The following RPTOR variants were observed in gnomAD, a reference collection of about 807,000 sequenced individuals.
RPTOR encodes the protein regulatory-associated protein of mTOR.
In RPTOR, 21 loss-of-function variants were observed where a neutral mutation model predicts 169.9. The observed-to-expected ratio is 0.12, with a 90% CI of 0.09 to 0.18. The LOEUF is 0.18. RPTOR is among the 10% of genes least tolerant of loss of function. The probability of loss-of-function intolerance (pLI) is 1.00; values close to 1 mark genes in which losing one functional copy is unlikely to be tolerated. For missense variants in RPTOR, 1,133 were observed against 1,855.9 expected (o/e 0.61, Z 7.16); for synonymous variants, 732 against 753.2 (o/e 0.97, Z 0.46).
chr17:80,922,374 G>A (rs1408594279), intron 21 of RPTOR, among the ~76,000 whole-genome samples: 2 of 152,148 alleles, frequency 1.3e-5, no homozygotes, highest in Admixed American at 6.5e-5. Context: ...GCCAGGAGCC[G>A]CCCCTCTGGC....
chr17:80,861,032 G>A lies in RPTOR; in HGVS notation c.1509+3132G>A, dbSNP rs146657081. Among the ~76,000 whole-genome samples the A allele has an allele frequency of 1.7e-3, 250 of 144,608 alleles. 10 individuals carry two copies. The highest frequency in any genetic ancestry group is 5.8e-3 in the African/African-American group (239 of 41,028). 94.9% of individuals were successfully genotyped at this position (144,608 alleles called of 152,430 possible). ...TGACCAGAGAACGCTCCATAATGGT[G>A]ACCTGAATACCATATATTTCAGCAA... On this transcript the variant is annotated intron_variant, in intron 13 of 33. Coordinates refer to ENST00000306801, the MANE Select transcript of RPTOR (RefSeq NM_020761.3). The surrounding 1 kb of genome is among the most constrained non-coding windows in gnomAD (Gnocchi z 4.5).
chr17:80,774,114 C>G, intron 6 of RPTOR: 2 of 985,394 alleles, frequency 2.0e-6, no homozygotes, highest in Non-Finnish European at 2.4e-6. Context: ...TTAAAAGGCT[C>G]CTCTCCTGTT....
intron 6 of RPTOR, among the ~76,000 whole-genome samples, chr17:80,766,292 A>C (rs1025167823): frequency 6.6e-6 from 1 of 152,154 alleles, no homozygotes; most frequent in Non-Finnish European, 1.5e-5. Context: ...AGCTCAAGAG[A>C]TCCTCCCACC....
chr17:80,921,334 A>G (rs1323601293), intron 21 of RPTOR, among the ~76,000 whole-genome samples: 1 of 152,166 alleles, frequency 6.6e-6, no homozygotes, highest in Non-Finnish European at 1.5e-5. Flanking sequence ...CATCCTCCTG[A>G]CACAGATGAG....
chr17:80,940,461 C>T (rs1370309181), intron 24 of RPTOR, 35 bp from the exon 25 acceptor site: 17 of 1,577,228 alleles, frequency 1.1e-5, no homozygotes, highest in African/African-American at 1.3e-5. Context: ...CCTGTTTCAT[C>T]GCTGGGCTTA....
intron 25 of RPTOR, among the ~76,000 whole-genome samples, chr17:80,945,035 C>T (rs1458072077): frequency 2.6e-5 from 4 of 151,560 alleles, no homozygotes; most frequent in Non-Finnish European, 5.9e-5. Context: ...GGCGTATGCC[C>T]ATAATCCCAA....
intron 11 of RPTOR, among the ~76,000 whole-genome samples, chr17:80,850,031 A>G (rs769214846): frequency 3.9e-5 from 6 of 152,214 alleles, no homozygotes; most frequent in Non-Finnish European, 7.3e-5. Flanking sequence ...AAAAGGTGAC[A>G]GTGATATTTA....
intron 6 of RPTOR, among the ~76,000 whole-genome samples, chr17:80,765,327 C>T (rs2066775459): frequency 6.6e-6 from 1 of 152,208 alleles, no homozygotes; most frequent in Non-Finnish European, 1.5e-5. Context: ...TGACAGCAGG[C>T]TTTGGGAGGT....
intron 3 of RPTOR, among the ~76,000 whole-genome samples, chr17:80,677,381 A>G (rs2065868342): frequency 6.6e-6 from 1 of 152,230 alleles, no homozygotes; most frequent in Non-Finnish European, 1.5e-5. Flanking sequence ...TCTAGGTTTC[A>G]TTTGAGAGGG....
intron 1 of RPTOR, among the ~76,000 whole-genome samples, chr17:80,618,282 T>C (rs2065328139): frequency 6.6e-6 from 1 of 152,240 alleles, no homozygotes; most frequent in Non-Finnish European, 1.5e-5. Flanking sequence ...CCACCATGCC[T>C]GGCCAAAACA....
intron 7 of RPTOR, among the ~76,000 whole-genome samples, chr17:80,817,696 C>T (rs538316210): frequency 1.3e-5 from 2 of 152,224 alleles, no homozygotes; most frequent in East Asian, 1.9e-4. Context: ...TGTGATCCCT[C>T]AGGCATCTGG....
intron 9 of RPTOR, among the ~76,000 whole-genome samples, chr17:80,837,377 G>C (rs1567939996): frequency 1.3e-5 from 2 of 152,122 alleles, no homozygotes; most frequent in African/African-American, 4.8e-5. Context: ...GGACAGGGAG[G>C]GGCCTGACGG....
chr17:80,876,439 T>C (rs1289737283), intron 13 of RPTOR, among the ~76,000 whole-genome samples: 127 of 1,760 alleles, frequency 0.072, 51 homozygotes, highest in Middle Eastern at 0.5. Flanking sequence ...TCGCCTGCCG[T>C]GTCTTCCCAC....
At position 80,545,279 on chromosome 17, in the gene RPTOR, C is replaced by T. The variant is rs1456311238; in HGVS notation, c.-351C>T. ...AGGCGGTGGAGGCCGAGAGCAGGGT[C>T]ATCGTGAGGCCTGAAGTCTCTTACG... is the stretch of plus-strand genomic sequence containing the variant. On this transcript the variant is annotated 5_prime_UTR_variant, in exon 1 of 34. Coordinates refer to ENST00000306801, the MANE Select transcript of RPTOR (RefSeq NM_020761.3). 8.1e-6 allele frequency: 2 copies of T among 246,450 alleles called. No homozygotes were observed. Among genetic ancestry groups the T allele is most frequent in the African/African-American group, 2.2e-5 (1 of 45,782 alleles). The allele number at this position is 246,450 out of a possible 1,614,324, so 15.3% of individuals were successfully genotyped here.
intron 13 of RPTOR, among the ~76,000 whole-genome samples, chr17:80,877,848 C>T (rs2068139561): frequency 6.6e-6 from 1 of 152,224 alleles, no homozygotes; most frequent in Non-Finnish European, 1.5e-5. Context: ...TCCCTGACCA[C>T]CCGCTCCCCA....
chr17:80,880,672 A>G (rs1020057163), intron 14 of RPTOR, among the ~76,000 whole-genome samples, 183 bp downstream of exon 14: 2 of 152,230 alleles, frequency 1.3e-5, no homozygotes, highest in Admixed American at 6.5e-5. Context: ...GCTTACTACC[A>G]TGAGCGCAGC....
At chr17:80,945,963 C>G (rs2069098396) in intron 26 of RPTOR, among the ~76,000 whole-genome samples, 182 bp downstream of exon 26, 1 of 152,168 alleles carries the variant, frequency 6.6e-6, no homozygotes, top group Non-Finnish European at 1.5e-5. Flanking sequence ...CCGAGCCCCA[C>G]CCACACCTGC....
Position 80,707,731 on chromosome 17 carries a change from TC to T in RPTOR, c.349-108del. On this transcript the variant is annotated intron_variant, in intron 3 of 33. Coordinates refer to ENST00000306801, the MANE Select transcript of RPTOR (RefSeq NM_020761.3). The surrounding 1 kb of genome is among the most constrained non-coding windows in gnomAD (Gnocchi z 5.0). The stretch of plus-strand genomic sequence containing the variant: ...AGATGGAGAAACTCAGAGCCATGTG[TC>T]CAGGACCACACAGCTATTAACTGCA... 1 of 1,045,118 alleles carries T rather than the reference TC, an allele frequency of 9.6e-7. No homozygotes were observed. Among genetic ancestry groups the T allele is most frequent in the Non-Finnish European group, 1.4e-6 (1 of 720,498 alleles). The allele number at this position is 1,045,118 out of a possible 1,614,324, so 64.7% of individuals were successfully genotyped here.
intron 2 of RPTOR, among the ~76,000 whole-genome samples, chr17:80,634,492 CTGTG>C (rs139581970): frequency 4.9e-5 from 5 of 101,204 alleles, no homozygotes; most frequent in African/African-American, 2.3e-4. Flanking sequence ...TGTGTGCATA[CTGTG>C]TGTGTGCATA....
Sources: gnomAD v4.1 joint callset for allele counts (sites outside exome capture counted in the v4.1 genomes callset) on GRCh38, gnomAD v4.1.1 for gene constraint, Gnocchi (gnomAD v3.1) non-coding constraint, MANE v1.5 for transcripts, NCBI Gene and HGNC (gene_info 2026-07-23, HGNC 2026-07-21) for gene names.